The following SLC9A1 variants were observed in gnomAD, a reference collection of about 807,000 sequenced individuals.
SLC9A1 encodes solute carrier family 9 member A1.
SLC9A1 carries 22 observed loss-of-function variants against 67.9 expected under a neutral mutation model. The observed-to-expected ratio is 0.32, with a 90% CI of 0.23 to 0.46. The LOEUF (loss-of-function observed/expected upper bound fraction) is 0.46, where lower values mean the gene tolerates loss of function less well. Ranked by LOEUF, SLC9A1 falls within the 20% of genes least tolerant of loss-of-function variation. The pLI is 1.00. For synonymous variants in SLC9A1, 421 were observed against 471.8 expected (o/e 0.89, Z 1.40); for missense variants, 686 against 1,094.8 (o/e 0.63, Z 5.27).
chr1:27,123,028 G>A (rs553460527), intron 1 of SLC9A1, among the ~76,000 whole-genome samples: 3 of 152,150 alleles, frequency 2.0e-5, no homozygotes, highest in African/African-American at 7.2e-5. Context: ...TCAGGGGGTC[G>A]GCTTTACTTG....
In SLC9A1 at chr1:27,100,136, G is replaced by C. The variant is rs1464253561; in HGVS notation, c.*171C>G. 1.0e-5 allele frequency: 5 copies of C among 489,642 alleles called. No homozygotes were observed. The East Asian group carries it at 1.6e-4, about 16-fold the overall frequency. 30.3% of individuals were successfully genotyped at this position (489,642 alleles called of 1,614,324 possible). On this transcript the variant is annotated 3_prime_UTR_variant, in exon 12 of 12. Coordinates refer to ENST00000263980, the MANE Select transcript of SLC9A1 (RefSeq NM_003047.5). This position sits in a 1 kb window ranked among gnomAD's most constrained non-coding sequence, Gnocchi z 5.6. ...CTCTGGTGGGGAGGATGCTTCCCGG[G>C]AGGCGGCAGGGGAGGAGCTGTGCTG...
Position 27,137,889 on chromosome 1 carries a change from G to A in SLC9A1, c.352+16094C>T, listed in dbSNP as rs1165264299. Among the ~76,000 whole-genome samples the A allele has an allele frequency of 1.3e-5, 2 of 152,084 alleles. No homozygotes were observed. Among genetic ancestry groups the A allele is most frequent in the Non-Finnish European group, 2.9e-5 (2 of 68,018 alleles). On this transcript the variant is annotated intron_variant, in intron 1 of 11. Coordinates refer to ENST00000263980, the MANE Select transcript of SLC9A1 (RefSeq NM_003047.5). This position sits in a 1 kb window ranked among gnomAD's most constrained non-coding sequence, Gnocchi z 4.6. ...CCCACTCTGCTCCAGCGTCCTGCTCGCCCCTCCCTGCTAGCAGCTCTCCTA... is the reference window on the plus strand; with the variant it reads ...CCCACTCTGCTCCAGCGTCCTGCTCACCCCTCCCTGCTAGCAGCTCTCCTA...
chr1:27,142,234 A>G (rs939355204), intron 1 of SLC9A1, among the ~76,000 whole-genome samples: 8 of 152,172 alleles, frequency 5.3e-5, no homozygotes, highest in Non-Finnish European at 1.2e-4. Flanking sequence ...GGGACTCCTG[A>G]GTTAGTTAAC....
At chr1:27,108,356 T>C (rs2083204774) in intron 3 of SLC9A1, among the ~76,000 whole-genome samples, 1 of 32,138 alleles carries the variant, frequency 3.1e-5, no homozygotes, top group Non-Finnish European at 6.8e-5. Flanking sequence ...GACGAGCGCA[T>C]GCCCGGCCCT....
chr1:27,153,941 C>T (rs1209125026), intron 1 of SLC9A1, 42 bp downstream of exon 1: 1 of 1,349,294 alleles, frequency 7.4e-7, no homozygotes, highest in African/African-American at 1.4e-5. Context: ...AGAAGCTCAC[C>T]AGTCTGGTGG....
intron 5 of SLC9A1, chr1:27,105,597 C>G: frequency 3.1e-6 from 2 of 654,850 alleles, no homozygotes; most frequent in East Asian, 5.4e-5. Context: ...CGTGCCCGGC[C>G]AGTACCCACT....
chr1:27,132,305 G>GT (rs1439603676), intron 1 of SLC9A1, among the ~76,000 whole-genome samples: 2 of 152,098 alleles, frequency 1.3e-5, no homozygotes, highest in African/African-American at 4.8e-5. Context: ...TCAATGGAGA[G>GT]GAAAGAACAC....
intron 6 of SLC9A1, 76 bp from the exon 7 acceptor site, chr1:27,102,819 C>A: frequency 1.5e-6 from 2 of 1,296,544 alleles, no homozygotes; most frequent in Non-Finnish European, 2.2e-6. Flanking sequence ...TAGCCCCACT[C>A]CCTCCCGTAG....
At chr1:27,103,776 C>T (rs1029328456) in intron 5 of SLC9A1, 3 of 182,586 alleles carry the variant, frequency 1.6e-5, no homozygotes, top group Non-Finnish European at 2.4e-5. Context: ...AGTGTTCTAG[C>T]ATCAATCAGC....
chr1:27,105,220 T>C (rs952631519), intron 5 of SLC9A1, among the ~76,000 whole-genome samples: 3 of 152,328 alleles, frequency 2.0e-5, no homozygotes, highest in Non-Finnish European at 4.4e-5. Context: ...CCCTAAGATA[T>C]GAAATCTCTT....
In SLC9A1 at chr1:27,103,336, C is replaced by T. The variant is rs764578528; in HGVS notation, c.1486-24G>A. ...CCCTGGGGGGCAGGCAGGTGTCAGG[C>T]ACTCCAGTTCTGCTACCCAGGCAGG... On this transcript the variant is annotated intron_variant, in intron 5 of 11. Coordinates refer to ENST00000263980, the MANE Select transcript of SLC9A1 (RefSeq NM_003047.5). 6.4e-5 allele frequency: 99 copies of T among 1,546,890 alleles called. No homozygotes were observed. The Admixed American group carries it at 1.6e-3, about 26-fold the overall frequency.
chr1:27,112,883 C>CAA (rs58540104), intron 2 of SLC9A1, among the ~76,000 whole-genome samples: 83 of 41,050 alleles, frequency 2.0e-3, no homozygotes, highest in Middle Eastern at 0.01. Flanking sequence ...GACTCCATCT[C>CAA]AAAAAAAAAA....
intron 1 of SLC9A1, among the ~76,000 whole-genome samples, chr1:27,142,370 G>C (rs898676638): frequency 6.6e-6 from 1 of 152,214 alleles, no homozygotes; most frequent in Non-Finnish European, 1.5e-5. Flanking sequence ...GGGCCTGGGG[G>C]TTACAAGCTA....
chr1:27,102,460 A>C lies in SLC9A1; in HGVS notation c.1745T>G (p.Met582Arg). The C allele has an allele frequency of 5.0e-6, 8 of 1,611,580 alleles. No individual in the cohort carries two copies. Among genetic ancestry groups the C allele is most frequent in the Non-Finnish European group, 5.1e-6 (6 of 1,178,376 alleles). The change falls in exon 8 of 12, where the codon ATG becomes AGG. Residue 582 changes from methionine (M) to arginine (R), a missense_variant. Met to Arg is a moderately conservative substitution (Grantham distance 91). Around this residue, in one of 7 missense-constraint regions of SLC9A1, gnomAD observed 168 missense variants for 375.4 expected, o/e 0.45. Transcript: ENST00000263980. ...QLIAFYHKME[M>R]KQAIELVESG... ...CTCCACCAGCTCGATGGCCTGCTTCATCTCCATCTTGTGGTAGAAGGCAAT... is the reference window on the plus strand; with the variant it reads ...CTCCACCAGCTCGATGGCCTGCTTCCTCTCCATCTTGTGGTAGAAGGCAAT...
chr1:27,103,108 C>A (rs1206587761), intron 6 of SLC9A1, 115 bp downstream of exon 6: 2 of 814,578 alleles, frequency 2.5e-6, no homozygotes, highest in Non-Finnish European at 4.2e-6. Flanking sequence ...GAGGGAGCCC[C>A]TGGGCACTGG....
In SLC9A1 at chr1:27,139,671, T is replaced by C. The variant is rs74856292; in HGVS notation, c.352+14312A>G. Among the ~76,000 whole-genome samples, 645 of 152,174 alleles carry C rather than the reference T, an allele frequency of 4.2e-3. 4 individuals are homozygous for C. Among genetic ancestry groups the C allele is most frequent in the African/African-American group, 0.015 (610 of 41,504 alleles). On this transcript the variant is annotated intron_variant, in intron 1 of 11. Transcript: ENST00000263980. ...CGTGTTTGGGGGTGAGGTGGAAGGG[T>C]TGGAAACATCCCAATGAGTTTTAGA...
At chr1:27,142,415 T>C (rs1189203369) in intron 1 of SLC9A1, among the ~76,000 whole-genome samples, 2 of 152,230 alleles carry the variant, frequency 1.3e-5, no homozygotes, top group African/African-American at 4.8e-5. Context: ...CATTCTAGAA[T>C]TAGAATATTC....
At chr1:27,117,160 G>A (rs2083277467) in intron 1 of SLC9A1, among the ~76,000 whole-genome samples, 1 of 151,956 alleles carries the variant, frequency 6.6e-6, no homozygotes, top group Non-Finnish European at 1.5e-5. Flanking sequence ...AATGGCATCA[G>A]ACCCCAAAGA....
chr1:27,102,123 G>A lies in SLC9A1; in HGVS notation c.1828C>T (p.His610Tyr). 1 of 1,612,442 alleles carries A rather than the reference G, an allele frequency of 6.2e-7. No individual in the cohort carries two copies. Among genetic ancestry groups the A allele is most frequent in the Non-Finnish European group, 8.5e-7 (1 of 1,178,564 alleles). Residue 610 changes from histidine (H) to tyrosine (Y), a missense_variant, in exon 9 of 12, where the codon CAC (histidine) becomes TAC (tyrosine). His to Tyr is a moderately conservative substitution (Grantham distance 83, BLOSUM62 2). Around this residue, in one of 7 missense-constraint regions of SLC9A1, gnomAD observed 226 missense variants for 282.4 expected, o/e 0.80. Transcript: ENST00000263980. ...CGCTCGGAAGGCAGGGACTTGGGGTGGATGTTCCTGGGGCAATAGGGCATC... is the reference window on the plus strand; with the variant it reads ...CGCTCGGAAGGCAGGGACTTGGGGTAGATGTTCCTGGGGCAATAGGGCATC... The part of the protein sequence containing the change: ...AVSTVSMQNI[H>Y]PKSLPSERIL...
Sources: allele counts gnomAD v4.1 joint callset (sites outside exome capture counted in the v4.1 genomes callset), GRCh38; gene constraint gnomAD v4.1.1; regional missense constraint gnomAD v4.1.1; non-coding constraint Gnocchi (gnomAD v3.1); transcripts MANE v1.5; gene names NCBI Gene and HGNC (gene_info 2026-07-23, HGNC 2026-07-21).